PIGL: variants seen among roughly 807,000 people sequenced by gnomAD.
The protein encoded by PIGL is phosphatidylinositol glycan anchor biosynthesis class L.
PIGL carries 22 observed loss-of-function variants against 31.1 expected under a neutral mutation model. The observed-to-expected ratio is 0.71, with a 90% CI of 0.51 to 1.01. The LOEUF (loss-of-function observed/expected upper bound fraction) is 1.01. Among genes scored for constraint, PIGL ranks in the 50% least tolerant of loss-of-function variants. The pLI is 0.00. For missense variants in PIGL, 302 were observed against 315.9 expected (o/e 0.96, Z 0.33); for synonymous variants, 131 against 117.4 (o/e 1.12, Z -0.75).
At chr17:16,237,254 C>A (rs1331815736) in intron 2 of PIGL, among the ~76,000 whole-genome samples, 1 of 151,594 alleles carries the variant, frequency 6.6e-6, no homozygotes, top group South Asian at 2.1e-4. Flanking sequence ...ATTACAGGCA[C>A]ACACCACTAC....
chr17:16,228,654 A>G (rs178788), intron 1 of PIGL, among the ~76,000 whole-genome samples: 81,413 of 151,318 alleles, frequency 0.54, 22,561 homozygotes, highest in African/African-American at 0.65. Context: ...TCCCAAAGTG[A>G]TGGGATTACA....
intron 2 of PIGL, among the ~76,000 whole-genome samples, chr17:16,264,599 C>CATCATT (rs1429527779): frequency 2.1e-5 from 3 of 144,022 alleles, no homozygotes; most frequent in African/African-American, 7.9e-5. Context: ...AACACATCGT[C>CATCATT]ATTATTATTA....
intron 3 of PIGL, among the ~76,000 whole-genome samples, chr17:16,303,348 C>G (rs142732269): frequency 1.6e-3 from 247 of 152,298 alleles, no homozygotes; most frequent in Admixed American, 2.9e-3. Flanking sequence ...AGAGCAGGCC[C>G]CTGGACAGTG....
intron 1 of PIGL, among the ~76,000 whole-genome samples, chr17:16,230,845 A>G (rs148476183): frequency 0.01 from 1,579 of 152,196 alleles, 28 homozygotes; most frequent in African/African-American, 0.035. Context: ...AAATTTATAC[A>G]TCACAATGTA....
intron 2 of PIGL, among the ~76,000 whole-genome samples, chr17:16,243,417 G>A (rs2092731250): frequency 1.3e-5 from 2 of 152,104 alleles, no homozygotes; most frequent in Admixed American, 1.3e-4. Context: ...ATTTGGGGTG[G>A]GGATCCCATT....
In PIGL at chr17:16,315,708, CTTTT is replaced by C. The variant is rs1157169209; in HGVS notation, c.495-951_495-948del. 1.9e-4 allele frequency among the ~76,000 whole-genome samples: 11 copies of C among 59,008 alleles called. No individual in the cohort carries two copies. The South Asian group carries it at 2.1e-3, about 11-fold the overall frequency. The allele number at this position is 59,008 out of a possible 152,430, so 38.7% of individuals were successfully genotyped here. ...CTTTTCTTTCTTTCTTTCTTTCTTT[CTTTT>C]TTTTTTTTTTTTTTTTTTTTTGAGA... On this transcript the variant is annotated intron_variant, in intron 4 of 6. Transcript: ENST00000225609.
intron 2 of PIGL, among the ~76,000 whole-genome samples, chr17:16,258,103 AAG>A (rs1229169258): frequency 3.3e-4 from 22 of 65,682 alleles, no homozygotes; most frequent in Admixed American, 5.8e-4. Context: ...GAGAGAGAGA[AAG>A]AGAGAGAGAG....
intron 2 of PIGL, among the ~76,000 whole-genome samples, chr17:16,258,044 C>T (rs547284097): frequency 7.1e-5 from 9 of 125,892 alleles, no homozygotes; most frequent in African/African-American, 2.9e-4. Context: ...GCCTGGGCCA[C>T]AGGAGCAAAA....
intron 6 of PIGL, among the ~76,000 whole-genome samples, chr17:16,320,450 A>G (rs1333716514): frequency 1.1e-5 from 1 of 88,818 alleles, no homozygotes; most frequent in Non-Finnish European, 2.0e-5. Flanking sequence ...GGAAAGAAGG[A>G]AGGGAGGGAA....
chr17:16,236,403 T>G (rs1290714095), intron 2 of PIGL, among the ~76,000 whole-genome samples: 1 of 152,192 alleles, frequency 6.6e-6, no homozygotes, highest in African/African-American at 2.4e-5. Flanking sequence ...TTTTATGATT[T>G]CCTTCCTTTC....
chr17:16,241,974 C>T (rs1485448041), intron 2 of PIGL, among the ~76,000 whole-genome samples: 2 of 151,918 alleles, frequency 1.3e-5, no homozygotes, highest in African/African-American at 4.8e-5. Flanking sequence ...TTTAGCAAAT[C>T]TCTTTGAAGT....
intron 2 of PIGL, among the ~76,000 whole-genome samples, chr17:16,258,122 AGAAAG>A (rs1466150663): frequency 4.1e-5 from 5 of 122,164 alleles, no homozygotes; most frequent in Non-Finnish European, 9.2e-5. Flanking sequence ...AGAGAGAGAG[AGAAAG>A]AGAGAGAGAG....
At chr17:16,252,637 C>A (rs1474237826) in intron 2 of PIGL, among the ~76,000 whole-genome samples, 6 of 151,384 alleles carry the variant, frequency 4.0e-5, no homozygotes, top group Admixed American at 2.6e-4. Flanking sequence ...CTATCCTACA[C>A]AACTAATAAA....
intron 2 of PIGL, among the ~76,000 whole-genome samples, chr17:16,245,816 A>ATTTTT (rs200265120): frequency 9.5e-6 from 1 of 105,426 alleles, no homozygotes; most frequent in African/African-American, 4.1e-5. Flanking sequence ...ATATATATAT[A>ATTTTT]TATATTTTTT....
At chr17:16,277,736 G>A (rs537111226) in intron 2 of PIGL, among the ~76,000 whole-genome samples, 1 of 152,242 alleles carries the variant, frequency 6.6e-6, no homozygotes, top group East Asian at 1.9e-4. Context: ...ACAAAGACAA[G>A]ACAACAATTG....
chr17:16,264,489 AGAAAAT>A (rs756822609), intron 2 of PIGL, among the ~76,000 whole-genome samples: 5 of 152,102 alleles, frequency 3.3e-5, no homozygotes, highest in Non-Finnish European at 7.4e-5. Context: ...TAGCTGCTCT[AGAAAAT>A]AACTGCCTAG....
chr17:16,284,581 G>A (rs532407622), intron 2 of PIGL, among the ~76,000 whole-genome samples: 1 of 152,144 alleles, frequency 6.6e-6, no homozygotes, highest in Admixed American at 6.6e-5. Flanking sequence ...TTGCAGGCCT[G>A]CACTTGATGG....
intron 2 of PIGL, among the ~76,000 whole-genome samples, chr17:16,269,511 T>C (rs1319714978): frequency 6.6e-6 from 1 of 151,800 alleles, no homozygotes; most frequent in Non-Finnish European, 1.5e-5. Flanking sequence ...ATTAGCTGGG[T>C]GTGTTGGCAT....
chr17:16,290,449 A>G (rs1179172683), intron 2 of PIGL, among the ~76,000 whole-genome samples: 2 of 149,278 alleles, frequency 1.3e-5, no homozygotes, highest in Non-Finnish European at 3.0e-5. Context: ...CTGCAGGTGC[A>G]GTGGTGTGGT....
Sources: gnomAD v4.1 joint callset for allele counts (sites outside exome capture counted in the v4.1 genomes callset) on GRCh38, gnomAD v4.1.1 for gene constraint, MANE v1.5 for transcripts, NCBI Gene and HGNC (gene_info 2026-07-23, HGNC 2026-07-21) for gene names.